COMMD1: variants seen among roughly 807,000 people sequenced by gnomAD.
COMMD1 encodes the protein COMM domain-containing protein 1.
In COMMD1, 10 loss-of-function variants were observed where a neutral mutation model predicts 17.2. That is an observed-to-expected ratio of 0.58 (90% CI 0.36 to 0.99). COMMD1 has a LOEUF of 0.99. COMMD1 is among the 50% of genes least tolerant of loss of function. The pLI is 0.01. For synonymous variants in COMMD1, 97 were observed against 91.6 expected (o/e 1.06, Z -0.34); for missense variants, 270 against 231.8 (o/e 1.17, Z -1.07).
At chr2:62,070,475 G>T (rs1671168163) in intron 2 of COMMD1, 1 of 150,214 alleles carries the variant, frequency 6.7e-6, no homozygotes, top group African/African-American at 2.5e-5. Flanking sequence ...TTGAGCTCAG[G>T]AGTTTGAGGC....
chr2:61,987,850 C>T (rs1442024260), intron 1 of COMMD1, among the ~76,000 whole-genome samples: 1 of 152,176 alleles, frequency 6.6e-6, no homozygotes, highest in Non-Finnish European at 1.5e-5. Flanking sequence ...ACCTGGTCCT[C>T]TGTTCTGCTG....
chr2:62,053,299 T>C (rs1361983224), intron 2 of COMMD1, among the ~76,000 whole-genome samples: 2 of 152,138 alleles, frequency 1.3e-5, no homozygotes, highest in African/African-American at 4.8e-5. Flanking sequence ...GGAAATAATT[T>C]GCTCATATAT....
intron 1 of COMMD1, among the ~76,000 whole-genome samples, chr2:61,990,939 C>CAT (rs1672236509): frequency 6.7e-6 from 1 of 149,614 alleles, no homozygotes; most frequent in Non-Finnish European, 1.5e-5. Flanking sequence ...CACACACACA[C>CAT]ATAATGCCAG....
Position 62,095,880 on chromosome 2 carries a change from T to C in COMMD1, c.463-39951T>C, listed in dbSNP as rs1037708986. On this transcript the variant is annotated intron_variant, in intron 2 of 2. Transcript: ENST00000311832. ...ATAACCCTGTGTGTATATATACACA[T>C]ACACACAGGTATATATAATCCTGTG... 5.1e-4 allele frequency among the ~76,000 whole-genome samples: 71 copies of C among 138,816 alleles called. 1 individual carries two copies. The highest frequency in any genetic ancestry group is 1.9e-3 in the African/African-American group (68 of 36,350). 91.1% of individuals were successfully genotyped at this position (138,816 alleles called of 152,430 possible).
intron 2 of COMMD1, among the ~76,000 whole-genome samples, chr2:62,080,541 C>T (rs1043190082): frequency 1.3e-5 from 2 of 152,114 alleles, no homozygotes; most frequent in Admixed American, 6.6e-5. Context: ...AACAGGAGTT[C>T]ATAGTCCCAA....
chr2:61,936,594 A>G (rs2103623320), intron 1 of COMMD1, among the ~76,000 whole-genome samples: 1 of 152,072 alleles, frequency 6.6e-6, no homozygotes, highest in East Asian at 1.9e-4. Context: ...ATTTCTAGAA[A>G]CTTCATATAG....
intron 2 of COMMD1, among the ~76,000 whole-genome samples, chr2:62,002,886 G>C (rs1014475534): frequency 6.6e-6 from 1 of 152,062 alleles, no homozygotes; most frequent in African/African-American, 2.4e-5. Context: ...CTTTTATTCA[G>C]TTATTATAAA....
chr2:61,975,916 G>C (rs1671789237), intron 1 of COMMD1, among the ~76,000 whole-genome samples: 1 of 152,064 alleles, frequency 6.6e-6, no homozygotes, highest in South Asian at 2.1e-4. Flanking sequence ...TGTTCCATGT[G>C]AGTTTGAGAA....
At chr2:61,933,820 A>G (rs945898712) in intron 1 of COMMD1, among the ~76,000 whole-genome samples, 19 of 150,560 alleles carry the variant, frequency 1.3e-4, no homozygotes, top group African/African-American at 4.7e-4. Flanking sequence ...CTGGAGTGCA[A>G]TGGTGTGATC....
chr2:61,960,111 A>ATG (rs1332530386), intron 1 of COMMD1, among the ~76,000 whole-genome samples: 2 of 140,660 alleles, frequency 1.4e-5, no homozygotes, highest in South Asian at 2.2e-4. Context: ...GATTTGGAAT[A>ATG]TATGTGTGTG....
At chr2:61,900,634 T>C (rs1480267180) in intron 1 of COMMD1, among the ~76,000 whole-genome samples, 4 of 152,210 alleles carry the variant, frequency 2.6e-5, no homozygotes, top group African/African-American at 9.7e-5. Flanking sequence ...CTTCCTGTTA[T>C]GGGTGGAAAC....
chr2:62,073,324 A>C (rs1011456017), intron 2 of COMMD1, among the ~76,000 whole-genome samples: 2 of 152,160 alleles, frequency 1.3e-5, no homozygotes, highest in Admixed American at 6.5e-5. Context: ...TTCTAAAAAG[A>C]GACATTTACC....
At chr2:61,944,760 G>T (rs951500880) in intron 1 of COMMD1, among the ~76,000 whole-genome samples, 1 of 152,134 alleles carries the variant, frequency 6.6e-6, no homozygotes, top group South Asian at 2.1e-4. Context: ...AAGAAAACAG[G>T]ACATCCCAAA....
At chr2:61,895,567 C>T (rs181748148) in intron 1 of COMMD1, among the ~76,000 whole-genome samples, 2 of 152,284 alleles carry the variant, frequency 1.3e-5, no homozygotes, top group South Asian at 4.1e-4. Flanking sequence ...TGCAACAGCT[C>T]TAAGTCTCAG....
chr2:62,126,177 G>A (rs1672882190), intron 2 of COMMD1, among the ~76,000 whole-genome samples: 1 of 152,142 alleles, frequency 6.6e-6, no homozygotes, highest in South Asian at 2.1e-4. Context: ...ATCATTGATG[G>A]GCATTTGGGT....
chr2:62,042,596 GT>G (rs1670258437), intron 2 of COMMD1, among the ~76,000 whole-genome samples: 1 of 152,106 alleles, frequency 6.6e-6, no homozygotes, highest in Admixed American at 6.5e-5. Flanking sequence ...GCTCCCGCCC[GT>G]GCCTCTCCCT....
At chr2:62,036,147 C>G (rs1224024972) in intron 2 of COMMD1, among the ~76,000 whole-genome samples, 1 of 151,594 alleles carries the variant, frequency 6.6e-6, no homozygotes, top group African/African-American at 2.4e-5. Flanking sequence ...CTTGAGACAA[C>G]AATGCTAAAT....
chr2:62,057,943 T>A (rs1670755101), intron 2 of COMMD1, among the ~76,000 whole-genome samples: 1 of 152,188 alleles, frequency 6.6e-6, no homozygotes, highest in Admixed American at 6.5e-5. Context: ...TTTTATTTTT[T>A]TTCCAAACCC....
intron 2 of COMMD1, among the ~76,000 whole-genome samples, chr2:62,007,915 C>T (rs929185711): frequency 2.6e-5 from 4 of 152,152 alleles, no homozygotes; most frequent in African/African-American, 9.7e-5. Context: ...GGCGCAGTGG[C>T]TCACACCTGT....
Sources: allele counts gnomAD v4.1 joint callset (sites outside exome capture counted in the v4.1 genomes callset), GRCh38; gene constraint gnomAD v4.1.1; transcripts MANE v1.5; gene names NCBI Gene and HGNC (gene_info 2026-07-23, HGNC 2026-07-21).